Variants in TOPAZ1 observed in about 807,000 individuals in gnomAD.
The protein encoded by TOPAZ1 is testis and ovary specific TOPAZ 1, also known as protein TOPAZ1.
Under a neutral mutation model 172.2 loss-of-function variants are expected in TOPAZ1, and 66 were observed. That is an observed-to-expected ratio of 0.38 (90% CI 0.31 to 0.47). The LOEUF is 0.47. TOPAZ1 is among the 20% of genes least tolerant of loss of function. The pLI is 0.99. For missense variants in TOPAZ1, 1,822 were observed against 1,972.4 expected, an observed-to-expected ratio of 0.92 and a Z score of 1.44; for synonymous variants, 681 against 683.9, an observed-to-expected ratio of 1.00 and a Z score of 0.07.
chr3:44,319,357 A>G (rs972566588), intron 16 of TOPAZ1, among the ~76,000 whole-genome samples: 1 of 152,220 alleles, frequency 6.6e-6, no homozygotes, highest in Admixed American at 6.5e-5. Flanking sequence ...AATACCATAT[A>G]TACTTTCCAA....
At chr3:44,284,426 C>T (rs1700056804) in intron 9 of TOPAZ1, among the ~76,000 whole-genome samples, 1 of 152,072 alleles carries the variant, frequency 6.6e-6, no homozygotes, top group Non-Finnish European at 1.5e-5. Flanking sequence ...AAGGTTTATC[C>T]ATATTGTAAC....
At chr3:44,267,349 A>G (rs1559531191) in intron 6 of TOPAZ1, among the ~76,000 whole-genome samples, 1 of 137,058 alleles carries the variant, frequency 7.3e-6, no homozygotes, top group Admixed American at 8.1e-5. Flanking sequence ...GCTGGAGTGC[A>G]GTGGCACGAT....
Position 44,287,525 on chromosome 3 carries a change from A to G in TOPAZ1, c.3573A>G (p.Ile1191Met), listed in dbSNP as rs1241088638. 1 of 1,495,924 alleles carries G rather than the reference A, an allele frequency of 6.7e-7. No individual in the cohort carries two copies. Among genetic ancestry groups the G allele is most frequent in the Admixed American group, 2.5e-5 (1 of 40,206 alleles). The allele number at this position is 1,495,924 out of a possible 1,614,324, so 92.7% of individuals were successfully genotyped here. The change falls in exon 10 of 20, where the codon ATA becomes ATG. Residue 1191 changes from isoleucine to methionine, a missense_variant. This residue lies in a region of TOPAZ1 where 1,489 missense variants were observed against 1,490.8 expected (regional missense o/e 1.00). Transcript: ENST00000309765. ...TATTTCAGATAGTGAACCTCAGCAT[A>G]ATGGTTAAAATGCTGGTAAGTAGCC... Reference protein sequence around the residue: ...KEVFQIVNLSIMVKMLPSLKI... With the variant: ...KEVFQIVNLSMMVKMLPSLKI...
At chr3:44,260,129 A>G (rs992181861) in intron 4 of TOPAZ1, among the ~76,000 whole-genome samples, 1 of 152,152 alleles carries the variant, frequency 6.6e-6, no homozygotes, top group African/African-American at 2.4e-5. Context: ...CACCTTGTGT[A>G]AGTTTCCTGA....
At chr3:44,295,157 T>C (rs908020448) in intron 12 of TOPAZ1, among the ~76,000 whole-genome samples, 1 of 152,220 alleles carries the variant, frequency 6.6e-6, no homozygotes, top group Non-Finnish European at 1.5e-5. Context: ...TATTTTTTAG[T>C]TGTTGCTCTA....
At position 44,262,406 on chromosome 3, in the gene TOPAZ1, A is replaced by C. The variant is rs1699784869; in HGVS notation, c.2956-13A>C. 2.1e-6 allele frequency: 3 copies of C among 1,415,388 alleles called. No individual in the cohort carries two copies. The highest frequency in any genetic ancestry group is 1.9e-6 in the Non-Finnish European group (2 of 1,035,440). 87.7% of individuals were successfully genotyped at this position (1,415,388 alleles called of 1,614,324 possible). A position where few individuals can be genotyped will look rare whatever the true frequency, so the allele number is the denominator to read the frequency against. On this transcript the variant is annotated splice_polypyrimidine_tract_variant and intron_variant, in intron 4 of 19. Transcript: ENST00000309765. Reference sequence around the variant, plus strand: ...CCTTCACTTGTACTTATTTAACCATAATCTCTTCACAGCATAGATTTACAG... The same window carrying C: ...CCTTCACTTGTACTTATTTAACCATCATCTCTTCACAGCATAGATTTACAG...
rs1174419358 is a variant in TOPAZ1 at position 44,255,043 on chromosome 3, T to A, written c.2827+14T>A. 2 of 1,545,698 alleles carry A rather than the reference T, an allele frequency of 1.3e-6. No individual in the cohort carries two copies. Among genetic ancestry groups the A allele is most frequent in the Non-Finnish European group, 1.8e-6 (2 of 1,142,044 alleles). On this transcript the variant is annotated intron_variant, in intron 3 of 19. Coordinates refer to ENST00000309765, the MANE Select transcript of TOPAZ1 (RefSeq NM_001145030.2). ...CCAACTCAGCAGGTAAAAGTTGACA[T>A]TTTCAGAATATGCAATATTGAAGCA...
Position 44,243,401 on chromosome 3 carries a change from G to T in TOPAZ1, c.895G>T (p.Asp299Tyr). ...AAATAAGTTACTACCAGAAGAGAGT[G>T]ATTTATACCAAAGTAAAACCAATGG... ...GVNKLLPEESDLYQSKTNGLL... is the reference protein window; with the variant it reads ...GVNKLLPEESYLYQSKTNGLL... Residue 299 changes from aspartate to tyrosine, a missense_variant, in exon 2 of 20, where the codon GAT becomes TAT. Physicochemically the swap from Asp to Tyr is radical, Grantham distance 160 (BLOSUM62 -3). This residue lies in a region of TOPAZ1 where 1,489 missense variants were observed against 1,490.8 expected (regional missense o/e 1.00). Transcript: ENST00000309765. 1.3e-6 allele frequency: 2 copies of T among 1,551,296 alleles called. No homozygotes were observed. Among genetic ancestry groups the T allele is most frequent in the South Asian group, 2.4e-5 (2 of 83,896 alleles).
intron 12 of TOPAZ1, among the ~76,000 whole-genome samples, chr3:44,302,717 T>C (rs1049259565): frequency 2.0e-5 from 3 of 152,218 alleles, no homozygotes; most frequent in Admixed American, 6.5e-5. Context: ...GTAGTAGTAA[T>C]GTGTCTTTCA....
At chr3:44,284,491 A>G (rs903836237) in intron 9 of TOPAZ1, among the ~76,000 whole-genome samples, 4 of 152,160 alleles carry the variant, frequency 2.6e-5, no homozygotes, top group African/African-American at 7.2e-5. Context: ...TTGTATGTAC[A>G]TACCACATTT....
intron 7 of TOPAZ1, 68 bp downstream of exon 7, chr3:44,269,369 C>A: frequency 1.1e-6 from 1 of 880,416 alleles, no homozygotes; most frequent in Non-Finnish European, 1.8e-6. Context: ...CTTCTCCTCC[C>A]TCCTCTTCCT....
Position 44,244,703 on chromosome 3 carries a change from G to C in TOPAZ1, c.2197G>C (p.Glu733Gln). ...GADVRQNRSK[E>Q]NVSMMMLGPQ... is the part of the protein sequence containing the mutation. ...AGACGTAAGACAGAACAGGAGTAAA[G>C]AAAATGTCTCCATGATGATGTTAGG... Residue 733 changes from glutamate to glutamine, a missense_variant, in exon 2 of 20, where the codon GAA becomes CAA. By Grantham distance (29) the Glu-to-Gln change is conservative. This residue lies in a region of TOPAZ1 where 1,489 missense variants were observed against 1,490.8 expected (regional missense o/e 1.00). Coordinates refer to ENST00000309765, the MANE Select transcript of TOPAZ1 (RefSeq NM_001145030.2). The C allele has an allele frequency of 1.9e-6, 3 of 1,551,444 alleles. No individual in the cohort carries two copies. Among genetic ancestry groups the C allele is most frequent in the Non-Finnish European group, 1.7e-6 (2 of 1,146,946 alleles).
intron 16 of TOPAZ1, among the ~76,000 whole-genome samples, chr3:44,319,530 A>T (rs2125704421): frequency 6.6e-6 from 1 of 152,368 alleles, no homozygotes; most frequent in South Asian, 2.1e-4. Flanking sequence ...AATTCACTTT[A>T]TAAGGAATGG....
Position 44,244,437 on chromosome 3 carries a change from C to A in TOPAZ1, c.1931C>A (p.Thr644Asn). 6.4e-7 allele frequency: 1 copy of A among 1,551,642 alleles called. No individual in the cohort carries two copies. The highest frequency in any genetic ancestry group is 8.7e-7 in the Non-Finnish European group (1 of 1,146,962). ...TTAACGAAACTTAATTTGACAGCGA[C>A]TTCCAAAGATGGTCAGGAAGCAAAT... ...GNLTKLNLTA[T>N]SKDGQEANNS... Residue 644 changes from threonine (T) to asparagine (N), a missense_variant, in exon 2 of 20, where the codon ACT (threonine) becomes AAT (asparagine). By Grantham distance (65) the Thr-to-Asn change is moderately conservative. Transcript: ENST00000309765.
At chr3:44,269,660 G>C (rs780668387) in intron 7 of TOPAZ1, among the ~76,000 whole-genome samples, 13 of 150,694 alleles carry the variant, frequency 8.6e-5, no homozygotes, top group African/African-American at 2.2e-4. Flanking sequence ...TGCTCTTGTC[G>C]TCTAGGCTGG....
intron 12 of TOPAZ1, among the ~76,000 whole-genome samples, chr3:44,293,165 C>G (rs188027813): frequency 1.3e-5 from 2 of 152,152 alleles, no homozygotes; most frequent in East Asian, 3.9e-4. Context: ...AAACTTACTG[C>G]GCTGCCAGTC....
In TOPAZ1 at chr3:44,242,332, C is replaced by G. The variant is rs1699493171; in HGVS notation, c.279C>G (p.Asp93Glu). Residue 93 changes from aspartate (D) to glutamate (E), a missense_variant, in exon 1 of 20, where the codon GAC becomes GAG. This residue lies in a region of TOPAZ1 where 1,489 missense variants were observed against 1,490.8 expected (regional missense o/e 1.00). Coordinates refer to ENST00000309765, the MANE Select transcript of TOPAZ1 (RefSeq NM_001145030.2). ...GCAGGGGCCCGGTGAGCCCGTCAGA[C>G]TCGTCAGACCCGCGAGGCCTAGAAG... is the stretch of plus-strand genomic sequence containing the variant. ...EGRRGPVSPS[D>E]SSDPRGLEAA... 6.4e-7 allele frequency: 1 copy of G among 1,552,116 alleles called. No individual in the cohort carries two copies. Among genetic ancestry groups the G allele is most frequent in the African/African-American group, 1.4e-5 (1 of 73,030 alleles).
intron 12 of TOPAZ1, among the ~76,000 whole-genome samples, chr3:44,293,498 T>G (rs1007786957): frequency 6.6e-6 from 1 of 152,178 alleles, no homozygotes; most frequent in Non-Finnish European, 1.5e-5. Flanking sequence ...AATGCATGTA[T>G]TTGTGTCTTA....
chr3:44,269,471 C>CTTTTTATTTTTTTTTTTTTT (rs1699870055), intron 7 of TOPAZ1, among the ~76,000 whole-genome samples, 170 bp downstream of exon 7: 1 of 33,916 alleles, frequency 2.9e-5, no homozygotes, highest in African/African-American at 1.6e-4. Context: ...TCCCTATCAT[C>CTTTTTATTTTTTTTTTTTTT]TTTTTTTTTT....
Sources: gnomAD v4.1 joint callset for allele counts (sites outside exome capture counted in the v4.1 genomes callset) on GRCh38, gnomAD v4.1.1 for gene constraint, gnomAD v4.1.1 regional missense constraint, MANE v1.5 for transcripts, NCBI Gene and HGNC (gene_info 2026-07-23, HGNC 2026-07-21) for gene names.